CDC42EP3: variants seen among roughly 807,000 people sequenced by gnomAD.
CDC42EP3 encodes CDC42 effector protein (Rho GTPase binding) 3.
A neutral mutation model predicts 15.5 loss-of-function variants in CDC42EP3; 4 were observed. That is an observed-to-expected ratio of 0.26 (90% CI 0.13 to 0.59). CDC42EP3 has a LOEUF of 0.59. CDC42EP3 is among the 20% of genes least tolerant of loss of function. CDC42EP3 has a pLI of 0.89. For synonymous variants in CDC42EP3, 145 were observed against 130.3 expected (o/e 1.11, Z -0.77); for missense variants, 309 against 311.2 (o/e 0.99, Z 0.05).
chr2:37,669,749 C>T (rs1295925783), intron 1 of CDC42EP3, among the ~76,000 whole-genome samples: 3 of 152,216 alleles, frequency 2.0e-5, no homozygotes, highest in Non-Finnish European at 4.4e-5. Context: ...TATCTGTGAG[C>T]CCAGAGGCTG....
Position 37,645,922 on chromosome 2 carries a change from C to T in CDC42EP3, c.666G>A (p.Glu222=), listed in dbSNP as rs149292196. ...ELIKGKTKSE[E]SLSDLTGSLL... is the part of the protein sequence containing the mutation. Reference sequence around the variant, plus strand: ...GGGAACCTGTAAGGTCAGAGAGGGACTCCTCTGACTTAGTCTTTCCCTTGA... The same window carrying T: ...GGGAACCTGTAAGGTCAGAGAGGGATTCCTCTGACTTAGTCTTTCCCTTGA... The change falls in exon 2 of 2, where the codon GAG becomes GAA. Residue 222 remains glutamate (E), a synonymous_variant. Transcript: ENST00000295324. 136 of 1,613,326 alleles carry T rather than the reference C, an allele frequency of 8.4e-5. 1 individual carries two copies. The highest frequency in any genetic ancestry group is 1.1e-4 in the Non-Finnish European group (128 of 1,179,660).
At position 37,646,202 on chromosome 2, in the gene CDC42EP3, T is replaced by G; in HGVS notation, c.386A>C (p.Asn129Thr). 6.2e-7 allele frequency: 1 copy of G among 1,614,196 alleles called. No homozygotes were observed. The highest frequency in any genetic ancestry group is 8.5e-7 in the Non-Finnish European group (1 of 1,180,026). ...MLPLLSPVTF[N>T]SKQESFGPAK... Reference sequence around the variant, plus strand: ...TGGCCCGAAGGACTCCTGTTTGGAATTAAATGTCACTGGTGACAATAAGGG... The same window carrying G: ...TGGCCCGAAGGACTCCTGTTTGGAAGTAAATGTCACTGGTGACAATAAGGG... The change falls in exon 2 of 2, where the codon AAT becomes ACT. Residue 129 changes from asparagine (N) to threonine (T), a missense_variant. By Grantham distance (65) the Asn-to-Thr change is moderately conservative (BLOSUM62 0). Transcript: ENST00000295324.
chr2:37,672,697 T>A (rs1254194866), upstream of CDC42EP3, among the ~76,000 whole-genome samples: 1 of 151,724 alleles, frequency 6.6e-6, no homozygotes, highest in Non-Finnish European at 1.5e-5. Flanking sequence ...GGCTGGGAGG[T>A]CCCAGCCCGC....
chr2:37,646,349 C>G lies in CDC42EP3; in HGVS notation c.239G>C (p.Gly80Ala). 6.2e-7 allele frequency: 1 copy of G among 1,613,966 alleles called. No homozygotes were observed. The highest frequency in any genetic ancestry group is 2.2e-5 in the East Asian group (1 of 44,878). Residue 80 changes from glycine to alanine, a missense_variant, in exon 2 of 2, where the codon GGG becomes GCG. By Grantham distance (60) the Gly-to-Ala change is moderately conservative. Transcript: ENST00000295324. ...GTTGGCCCGGAAGAACTCATTATGC[C>G]CAGGGAACTGGCCCAGGTGTGCTTT... is the stretch of plus-strand genomic sequence containing the variant. ...QEKAHLGQFP[G>A]HNEFFRANST...
intron 1 of CDC42EP3, among the ~76,000 whole-genome samples, chr2:37,657,761 G>A (rs928373874): frequency 1.3e-5 from 2 of 152,118 alleles, no homozygotes; most frequent in African/African-American, 2.4e-5. Flanking sequence ...TTCCCTATGC[G>A]ATATTTGGCA....
chr2:37,646,399 GT>G lies in CDC42EP3; in HGVS notation c.188del (p.Tyr63SerfsTer64). ...FGDISFLQGN[Y>X]ELLPGNQEKA... ...TCTCCTGGTTTCCAGGTAAAAGCTC[GT>G]AGTTCCCTTGAAGAAAGGAAATATC... On this transcript the variant is annotated frameshift_variant, in exon 2 of 2. Transcript: ENST00000295324. LOFTEE classifies it high-confidence loss of function. 6.2e-7 allele frequency: 1 copy of G among 1,614,076 alleles called. No individual in the cohort carries two copies. Among genetic ancestry groups the G allele is most frequent in the Non-Finnish European group, 8.5e-7 (1 of 1,180,008 alleles).
At chr2:37,663,776 T>C (rs908778771) in intron 1 of CDC42EP3, among the ~76,000 whole-genome samples, 4 of 152,174 alleles carry the variant, frequency 2.6e-5, no homozygotes, top group South Asian at 2.1e-4. Context: ...TGTGAGGGTG[T>C]TGCCAAAGGA....
At chr2:37,668,597 T>C (rs1475557317) in intron 1 of CDC42EP3, among the ~76,000 whole-genome samples, 1 of 152,230 alleles carries the variant, frequency 6.6e-6, no homozygotes, top group Admixed American at 6.5e-5. Context: ...CTGCTGACTT[T>C]CACATAGGAT....
chr2:37,649,775 T>TG (rs1665607471), intron 1 of CDC42EP3, among the ~76,000 whole-genome samples: 1 of 151,766 alleles, frequency 6.6e-6, no homozygotes, highest in Non-Finnish European at 1.5e-5. Flanking sequence ...CTGCTTGAAG[T>TG]GGGGCTTCAT....
rs543978068 is a variant in CDC42EP3 at position 37,657,690 on chromosome 2, T to C, written c.-235-10868A>G. On this transcript the variant is annotated intron_variant, in intron 1 of 1. Transcript: ENST00000295324. ...ATAAAGTTTTATTAGAACACACCTA[T>C]GCCTATTCATTTATGTACTGTCTAC... Among the ~76,000 whole-genome samples the C allele has an allele frequency of 2.6e-4, 39 of 152,346 alleles. 1 individual carries two copies. The South Asian group carries it at 7.5e-3, about 29-fold the overall frequency.
intron 1 of CDC42EP3, among the ~76,000 whole-genome samples, chr2:37,668,520 G>A (rs11124596): frequency 0.31 from 47,067 of 152,132 alleles, 8,569 homozygotes; most frequent in East Asian, 0.53. Context: ...TAGGACATGT[G>A]CCCAGGCAGC....
intron 1 of CDC42EP3, among the ~76,000 whole-genome samples, chr2:37,648,121 T>C (rs978429453): frequency 3.3e-5 from 5 of 152,212 alleles, no homozygotes; most frequent in Admixed American, 2.6e-4. Flanking sequence ...CTACAAGGCA[T>C]TGGGGTTGTA....
intron 1 of CDC42EP3, among the ~76,000 whole-genome samples, chr2:37,650,372 C>T (rs1665629799): frequency 6.6e-6 from 1 of 152,202 alleles, no homozygotes; most frequent in Non-Finnish European, 1.5e-5. Flanking sequence ...CTTACTTAGG[C>T]AGAAACCTAA....
chr2:37,664,210 G>A (rs995619631), intron 1 of CDC42EP3, among the ~76,000 whole-genome samples: 29 of 152,102 alleles, frequency 1.9e-4, no homozygotes, highest in African/African-American at 6.0e-4. Context: ...GCAGAGGAAC[G>A]TGGAAGGACT....
Position 37,645,988 on chromosome 2 carries a change from T to G in CDC42EP3, c.600A>C (p.Pro200=), listed in dbSNP as rs142401149. Residue 200 remains proline, a synonymous_variant, in exon 2 of 2, where the codon CCA becomes CCC. Transcript: ENST00000295324. The part of the protein sequence containing the change: ...SSLSEQYPDW[P]AEDMFDHPTP... ...TGGGATGGTCAAACATGTCCTCGGCTGGCCAGTCGGGGTACTGTTCGGACA... is the reference window on the plus strand; with the variant it reads ...TGGGATGGTCAAACATGTCCTCGGCGGGCCAGTCGGGGTACTGTTCGGACA... 59 of 1,613,914 alleles carry G rather than the reference T, an allele frequency of 3.7e-5. No individual in the cohort carries two copies. Among genetic ancestry groups the G allele is most frequent in the Non-Finnish European group, 4.9e-5 (58 of 1,179,954 alleles).
In CDC42EP3 at chr2:37,646,697, C is replaced by CAAGTGGCTTCAG. The variant is rs1030825980; in HGVS notation, c.-122_-111dup. 2.7e-5 allele frequency: 30 copies of CAAGTGGCTTCAG among 1,111,532 alleles called. No individual in the cohort carries two copies. The highest frequency in any genetic ancestry group is 1.3e-4 in the Admixed American group (5 of 38,998). 68.9% of individuals were successfully genotyped at this position (1,111,532 alleles called of 1,614,324 possible). A position where few individuals can be genotyped will look rare whatever the true frequency, so the allele number is the denominator to read the frequency against. On this transcript the variant is annotated 5_prime_UTR_variant, in exon 2 of 2. Transcript: ENST00000295324. Reference sequence around the variant, plus strand: ...ATAGGAACTGTCACATCATTTTTCTCAAGTGGCTTCAGAAGTGGCTTCGAA... The same window carrying CAAGTGGCTTCAG: ...ATAGGAACTGTCACATCATTTTTCTCAAGTGGCTTCAGAAGTGGCTTCAGAAGTGGCTTCGAA...
intron 1 of CDC42EP3, among the ~76,000 whole-genome samples, 188 bp from the exon 2 acceptor site, chr2:37,647,010 C>A (rs1431354602): frequency 6.6e-6 from 1 of 152,212 alleles, no homozygotes; most frequent in East Asian, 1.9e-4. Context: ...GACCTAAAAA[C>A]CCCATATCTA....
At chr2:37,668,311 T>C (rs1329729647) in intron 1 of CDC42EP3, among the ~76,000 whole-genome samples, 1 of 152,182 alleles carries the variant, frequency 6.6e-6, no homozygotes, top group Non-Finnish European at 1.5e-5. Flanking sequence ...ATTAAGTACC[T>C]AGGAAAAAAA....
intron 1 of CDC42EP3, among the ~76,000 whole-genome samples, chr2:37,669,201 T>C (rs1377883028): frequency 1.4e-5 from 2 of 139,636 alleles, no homozygotes; most frequent in Admixed American, 1.5e-4. Context: ...CAGTTAATGG[T>C]CAAAGAATTT....
Sources: allele counts gnomAD v4.1 joint callset (sites outside exome capture counted in the v4.1 genomes callset), GRCh38; gene constraint gnomAD v4.1.1; transcripts MANE v1.5; gene names NCBI Gene and HGNC (gene_info 2026-07-23, HGNC 2026-07-21).